The following MB21D2 variants were observed in gnomAD, a reference collection of about 807,000 sequenced individuals.
MB21D2 encodes the protein nucleotidyltransferase MB21D2.
MB21D2 carries 9 observed loss-of-function variants against 33.3 expected under a neutral mutation model. The ratio of observed to expected loss-of-function variants is 0.27; its 90% CI spans 0.16 to 0.47. MB21D2 has a LOEUF of 0.47. Ranked by LOEUF, MB21D2 falls within the 20% of genes least tolerant of loss-of-function variation. The pLI, the probability that MB21D2 is intolerant of heterozygous loss-of-function variation, is 0.99. For missense variants in MB21D2, 540 were observed against 624.6 expected, an observed-to-expected ratio of 0.86 and a Z score of 1.44; for synonymous variants, 241 against 236.3, an observed-to-expected ratio of 1.02 and a Z score of -0.18.
chr3:192,859,562 C>A (rs1197090783), intron 1 of MB21D2, among the ~76,000 whole-genome samples: 1 of 152,176 alleles, frequency 6.6e-6, no homozygotes, highest in Admixed American at 6.5e-5. Context: ...TTTTCTCTCT[C>A]CCCTGAGTAA....
intron 1 of MB21D2, among the ~76,000 whole-genome samples, chr3:192,838,416 A>G (rs1712491472): frequency 6.7e-6 from 1 of 149,602 alleles, no homozygotes; most frequent in South Asian, 2.1e-4. Flanking sequence ...TGAGTATTAA[A>G]TAATCTGTGG....
At chr3:192,810,780 T>G (rs1001583013) in intron 1 of MB21D2, among the ~76,000 whole-genome samples, 1 of 152,162 alleles carries the variant, frequency 6.6e-6, no homozygotes, top group African/African-American at 2.4e-5. Flanking sequence ...GTCTAAAGAC[T>G]TTTTAAGTAT....
At chr3:192,915,103 A>T (rs1043319842) in intron 1 of MB21D2, among the ~76,000 whole-genome samples, 2 of 152,122 alleles carry the variant, frequency 1.3e-5, no homozygotes, top group Middle Eastern at 3.2e-3. Flanking sequence ...GTGTGAGGGG[A>T]TAATATCTGT....
intron 1 of MB21D2, among the ~76,000 whole-genome samples, chr3:192,851,699 C>T (rs528901203): frequency 1.3e-5 from 2 of 151,924 alleles, no homozygotes; most frequent in South Asian, 4.2e-4. Flanking sequence ...AGGGTTTTGC[C>T]ATGTTTGCCA....
At chr3:192,855,532 G>A (rs1031217781) in intron 1 of MB21D2, among the ~76,000 whole-genome samples, 1 of 152,248 alleles carries the variant, frequency 6.6e-6, no homozygotes, top group Non-Finnish European at 1.5e-5. Context: ...TAGTGGTGGT[G>A]TAGAACTGAA....
intron 1 of MB21D2, among the ~76,000 whole-genome samples, chr3:192,800,941 C>T (rs549158864): frequency 6.6e-6 from 1 of 152,300 alleles, no homozygotes; most frequent in South Asian, 2.1e-4. Flanking sequence ...GAAAACTCCG[C>T]ACCATGAGCG....
chr3:192,831,658 T>C (rs7634047), intron 1 of MB21D2, among the ~76,000 whole-genome samples: 94,015 of 152,042 alleles, frequency 0.62, 31,302 homozygotes, highest in African/African-American at 0.87. Flanking sequence ...ACTAGAATAG[T>C]GAAAAATATT....
At chr3:192,835,150 C>T (rs1432045328) in intron 1 of MB21D2, among the ~76,000 whole-genome samples, 19 of 101,644 alleles carry the variant, frequency 1.9e-4, no homozygotes, top group East Asian at 2.7e-4. Flanking sequence ...TAGAAAGTGT[C>T]TTTAAAAAAA....
intron 1 of MB21D2, among the ~76,000 whole-genome samples, chr3:192,840,023 T>C (rs768284535): frequency 1.1e-4 from 17 of 152,102 alleles, no homozygotes; most frequent in East Asian, 3.8e-4. Context: ...AGAAAAGAGA[T>C]TGGAAAACAA....
At chr3:192,902,789 A>C (rs555780778) in intron 1 of MB21D2, among the ~76,000 whole-genome samples, 7 of 152,286 alleles carry the variant, frequency 4.6e-5, no homozygotes, top group Non-Finnish European at 1.0e-4. Flanking sequence ...GTTTCAGCCC[A>C]TGCAGCGGCA....
At chr3:192,826,406 G>A (rs1450968030) in intron 1 of MB21D2, among the ~76,000 whole-genome samples, 2 of 152,116 alleles carry the variant, frequency 1.3e-5, no homozygotes, top group African/African-American at 4.8e-5. Context: ...CAGAGAACGG[G>A]AATCAATTCT....
intron 1 of MB21D2, among the ~76,000 whole-genome samples, chr3:192,900,147 C>T (rs13073642): frequency 1.3e-5 from 2 of 150,856 alleles, no homozygotes; most frequent in Non-Finnish European, 3.0e-5. Flanking sequence ...AGCCAGGCGT[C>T]GTGGCGGGCG....
At chr3:192,912,098 A>G (rs1175896590) in intron 1 of MB21D2, among the ~76,000 whole-genome samples, 2 of 152,244 alleles carry the variant, frequency 1.3e-5, no homozygotes, top group African/African-American at 4.8e-5. Flanking sequence ...GTCCAGGAGC[A>G]CCACACCAAG....
chr3:192,832,453 A>T (rs1392435492), intron 1 of MB21D2, among the ~76,000 whole-genome samples: 4 of 152,218 alleles, frequency 2.6e-5, no homozygotes, highest in Non-Finnish European at 5.9e-5. Context: ...AAATTACACT[A>T]TTCAATGTTT....
At chr3:192,814,851 C>T (rs944822519) in intron 1 of MB21D2, among the ~76,000 whole-genome samples, 7 of 137,356 alleles carry the variant, frequency 5.1e-5, no homozygotes, top group African/African-American at 1.2e-4. Flanking sequence ...GGCGACAGAG[C>T]GAGACTCCAT....
intron 1 of MB21D2, among the ~76,000 whole-genome samples, chr3:192,837,367 C>T (rs1410650362): frequency 4.6e-5 from 7 of 152,110 alleles, no homozygotes; most frequent in Non-Finnish European, 1.0e-4. Flanking sequence ...AACATGTCTC[C>T]GTCTCGGCTC....
At chr3:192,872,480 G>A (rs1286151949) in intron 1 of MB21D2, among the ~76,000 whole-genome samples, 3 of 151,672 alleles carry the variant, frequency 2.0e-5, no homozygotes, top group African/African-American at 7.3e-5. Flanking sequence ...GGAGGCTGAG[G>A]CAGGAGAGTG....
chr3:192,869,026 A>C (rs1332528696), intron 1 of MB21D2, among the ~76,000 whole-genome samples: 1 of 152,100 alleles, frequency 6.6e-6, no homozygotes, highest in Non-Finnish European at 1.5e-5. Context: ...TAAGAGGAAG[A>C]GGGTGGATCA....
chr3:192,818,276 A>G (rs1019460793), intron 1 of MB21D2, among the ~76,000 whole-genome samples: 12 of 152,138 alleles, frequency 7.9e-5, no homozygotes, highest in Admixed American at 6.5e-4. Flanking sequence ...GGCCACTGAT[A>G]TCTAGAAACA....
Sources: allele counts gnomAD v4.1 joint callset (sites outside exome capture counted in the v4.1 genomes callset), GRCh38; gene constraint gnomAD v4.1.1; transcripts MANE v1.5; gene names NCBI Gene and HGNC (gene_info 2026-07-23, HGNC 2026-07-21).